The following ADGRB3 variants were observed in gnomAD, a reference collection of about 807,000 sequenced individuals.
The protein encoded by ADGRB3 is brain-specific angiogenesis inhibitor 3.
A neutral mutation model predicts 193.4 loss-of-function variants in ADGRB3; 37 were observed. The observed-to-expected ratio is 0.19, with a 90% confidence interval of 0.15 to 0.25. The LOEUF (loss-of-function observed/expected upper bound fraction) is 0.25. Ranked by LOEUF, ADGRB3 falls within the 10% of genes least tolerant of loss-of-function variation. The pLI, the probability that ADGRB3 is intolerant of heterozygous loss-of-function variation, is 1.00. For synonymous variants in ADGRB3, 690 were observed against 644.2 expected, an observed-to-expected ratio of 1.07 and a Z score of -1.08; for missense variants, 1,637 against 1,852.9, an observed-to-expected ratio of 0.88 and a Z score of 2.14.
chr6:68,725,227 A>G (rs1765652429), intron 3 of ADGRB3, among the ~76,000 whole-genome samples: 1 of 151,692 alleles, frequency 6.6e-6, no homozygotes, highest in African/African-American at 2.4e-5. Context: ...GCTTCAGTCT[A>G]GAATTTGAAG....
At chr6:68,660,021 A>G (rs1768588354) in intron 3 of ADGRB3, among the ~76,000 whole-genome samples, 2 of 151,014 alleles carry the variant, frequency 1.3e-5, no homozygotes, top group East Asian at 1.9e-4. Context: ...CCATACTTCA[A>G]TTTAATATAA....
chr6:69,070,955 C>CT (rs959332092), intron 16 of ADGRB3, among the ~76,000 whole-genome samples: 3 of 152,172 alleles, frequency 2.0e-5, no homozygotes, highest in Admixed American at 2.0e-4. Context: ...ATGAAGCTTT[C>CT]TTAATAGACA....
intron 16 of ADGRB3, among the ~76,000 whole-genome samples, chr6:69,075,635 A>G (rs1772205940): frequency 6.6e-6 from 1 of 152,196 alleles, no homozygotes; most frequent in Non-Finnish European, 1.5e-5. Flanking sequence ...TATTGTGAAT[A>G]CTGTAATCTT....
In ADGRB3 at chr6:69,366,586, AT is replaced by A. The variant is rs1463067495; in HGVS notation, c.4239+5078del. ...TTTGAGTAGCTTCATACTGTTGTACATTTTCTCACTTTTAAATCATCGTAAA... is the reference window on the plus strand; with the variant it reads ...TTTGAGTAGCTTCATACTGTTGTACATTTCTCACTTTTAAATCATCGTAAA... On this transcript the variant is annotated intron_variant, in intron 29 of 31. Coordinates refer to ENST00000370598, the MANE Select transcript of ADGRB3 (RefSeq NM_001704.3). Among the ~76,000 whole-genome samples the A allele has an allele frequency of 5.9e-5, 9 of 152,182 alleles. No homozygotes were observed. The East Asian group carries it at 1.6e-3, about 26-fold the overall frequency.
chr6:69,128,129 C>T (rs9454704), intron 17 of ADGRB3, among the ~76,000 whole-genome samples: 3 of 151,908 alleles, frequency 2.0e-5, no homozygotes, highest in East Asian at 1.9e-4. Flanking sequence ...ACCCAATCTG[C>T]GAAAGGTGCC....
intron 3 of ADGRB3, among the ~76,000 whole-genome samples, chr6:68,798,206 T>G (rs1044937954): frequency 6.6e-6 from 1 of 152,232 alleles, no homozygotes; most frequent in African/African-American, 2.4e-5. Context: ...CTAGCCTATA[T>G]GTAACATAGT....
intron 4 of ADGRB3, among the ~76,000 whole-genome samples, chr6:68,933,539 G>A (rs566384402): frequency 6.6e-6 from 1 of 152,224 alleles, no homozygotes; most frequent in East Asian, 1.9e-4. Flanking sequence ...GTTGCAGTGA[G>A]CCAAGATCAC....
intron 3 of ADGRB3, among the ~76,000 whole-genome samples, chr6:68,718,054 G>A (rs145897985): frequency 0.013 from 1,939 of 151,786 alleles, 22 homozygotes; most frequent in Middle Eastern, 0.034. Flanking sequence ...TTGAAGAAGG[G>A]ATAAAGTTTC....
At chr6:68,828,265 G>A (rs1281929117) in intron 3 of ADGRB3, among the ~76,000 whole-genome samples, 2 of 152,038 alleles carry the variant, frequency 1.3e-5, no homozygotes, top group African/African-American at 4.8e-5. Context: ...GTGCTGGCTG[G>A]ATAACATATT....
intron 13 of ADGRB3, among the ~76,000 whole-genome samples, chr6:69,037,556 C>G (rs924022357): frequency 1.3e-5 from 2 of 152,066 alleles, no homozygotes; most frequent in African/African-American, 2.4e-5. Flanking sequence ...GTTCTTCATT[C>G]TATATAATCC....
At position 69,330,412 on chromosome 6, in the gene ADGRB3, G is replaced by A. The variant is rs148921738; in HGVS notation, c.3036-94G>A. ...TGTTTAACATGTGCCAAAATTCCAAGGCAAAATGTATAATCTAAGTTGTTT... is the reference window on the plus strand; with the variant it reads ...TGTTTAACATGTGCCAAAATTCCAAAGCAAAATGTATAATCTAAGTTGTTT... On this transcript the variant is annotated intron_variant, in intron 22 of 31. Transcript: ENST00000370598. 9.5e-4 allele frequency: 856 copies of A among 903,542 alleles called. 3 individuals carry two copies. In the African/African-American group the frequency reaches 0.013, roughly 14 times the overall value. The allele number at this position is 903,542 out of a possible 1,614,324, so 56.0% of individuals were successfully genotyped here.
At chr6:69,054,669 C>T (rs530694) in intron 15 of ADGRB3, among the ~76,000 whole-genome samples, 1 of 151,838 alleles carries the variant, frequency 6.6e-6, no homozygotes, top group African/African-American at 2.4e-5. Context: ...TTTAAAATCT[C>T]GGTTTAGTTT....
At chr6:68,929,521 C>T (rs1767278077) in intron 3 of ADGRB3, among the ~76,000 whole-genome samples, 1 of 152,134 alleles carries the variant, frequency 6.6e-6, no homozygotes, top group Non-Finnish European at 1.5e-5. Flanking sequence ...ACACTTCACC[C>T]AGTCATCTTT....
chr6:68,840,084 A>G (rs1327941304), intron 3 of ADGRB3, among the ~76,000 whole-genome samples: 2 of 152,144 alleles, frequency 1.3e-5, no homozygotes, highest in Non-Finnish European at 2.9e-5. Flanking sequence ...TCACCACCAC[A>G]GGCTAATACT....
At chr6:68,970,019 G>T (rs531088470) in intron 8 of ADGRB3, among the ~76,000 whole-genome samples, 1 of 152,214 alleles carries the variant, frequency 6.6e-6, no homozygotes, top group South Asian at 2.1e-4. Context: ...TGCTGAACTC[G>T]ATGCCCCAAG....
chr6:68,660,937 CCTT>C (rs67460103), intron 3 of ADGRB3, among the ~76,000 whole-genome samples: 3,477 of 150,664 alleles, frequency 0.023, 75 homozygotes, highest in South Asian at 0.05. Flanking sequence ...TTAGTGTTTT[CCTT>C]CTTCTTAGTC....
At chr6:68,862,933 T>TAAA (rs1490034856) in intron 3 of ADGRB3, among the ~76,000 whole-genome samples, 2 of 152,188 alleles carry the variant, frequency 1.3e-5, no homozygotes, top group African/African-American at 4.8e-5. Flanking sequence ...TCAATAGAAT[T>TAAA]GAGTTATAAC....
chr6:69,242,569 C>G (rs1766408150), intron 20 of ADGRB3, among the ~76,000 whole-genome samples: 1 of 151,926 alleles, frequency 6.6e-6, no homozygotes, highest in South Asian at 2.1e-4. Flanking sequence ...ACCTGATTAT[C>G]TTGCTACTGA....
chr6:68,883,660 C>T (rs780608899), intron 3 of ADGRB3, among the ~76,000 whole-genome samples: 2 of 152,176 alleles, frequency 1.3e-5, no homozygotes, highest in African/African-American at 2.4e-5. Flanking sequence ...CCGCAAAGGT[C>T]TGCACCTTCA....
Sources: allele counts gnomAD v4.1 joint callset (sites outside exome capture counted in the v4.1 genomes callset), GRCh38; gene constraint gnomAD v4.1.1; transcripts MANE v1.5; gene names NCBI Gene and HGNC (gene_info 2026-07-23, HGNC 2026-07-21).